Variants in CTNNA3 observed in about 807,000 individuals in gnomAD.
CTNNA3 encodes the protein catenin alpha 3, also known as catenin alpha-3.
A neutral mutation model predicts 95.7 loss-of-function variants in CTNNA3; 76 were observed. The observed-to-expected ratio is 0.79, with a 90% CI of 0.66 to 0.96. The LOEUF (loss-of-function observed/expected upper bound fraction) is 0.96, where lower values mean the gene tolerates loss of function less well. CTNNA3 is among the 40% of genes least tolerant of loss of function. CTNNA3 has a pLI of 0.00. For synonymous variants in CTNNA3, 431 were observed against 374.4 expected, an observed-to-expected ratio of 1.15 and a Z score of -1.74; for missense variants, 1,191 against 1,089.8, an observed-to-expected ratio of 1.09 and a Z score of -1.31.
intron 1 of CTNNA3, among the ~76,000 whole-genome samples, chr10:67,753,439 T>C (rs192777414): frequency 6.6e-6 from 1 of 151,934 alleles, no homozygotes; most frequent in East Asian, 1.9e-4. Flanking sequence ...CAAAAGCAAT[T>C]GCAACAAAAG....
chr10:66,696,832 A>G (rs969810579), intron 9 of CTNNA3, among the ~76,000 whole-genome samples: 1 of 152,038 alleles, frequency 6.6e-6, no homozygotes, highest in African/African-American at 2.4e-5. Context: ...CCAGCTACTC[A>G]GGAGGCTGAG....
At chr10:65,945,999 C>A (rs2077510951) in intron 17 of CTNNA3, among the ~76,000 whole-genome samples, 1 of 152,102 alleles carries the variant, frequency 6.6e-6, no homozygotes, top group Non-Finnish European at 1.5e-5. Flanking sequence ...GCTTCCATGC[C>A]CCTCTGCTGG....
intron 6 of CTNNA3, among the ~76,000 whole-genome samples, chr10:67,213,267 T>C (rs7087525): frequency 0.043 from 6,542 of 151,798 alleles, 179 homozygotes; most frequent in South Asian, 0.088. Flanking sequence ...ATATTTAGTA[T>C]TTAGTCATAA....
Position 67,170,482 on chromosome 10 carries a change from C to T in CTNNA3, c.1047+9835G>A, listed in dbSNP as rs551709903. 7.2e-5 allele frequency among the ~76,000 whole-genome samples: 11 copies of T among 152,240 alleles called. No individual in the cohort carries two copies. In the South Asian group the frequency reaches 2.3e-3, roughly 32 times the overall value. On this transcript the variant is annotated intron_variant, in intron 7 of 17. Coordinates refer to ENST00000433211, the MANE Select transcript of CTNNA3 (RefSeq NM_013266.4). ...GTCTTTTGTGGGAACGTGGATGGAG[C>T]TGGAGGCTATTATCCTTAGTATACT...
intron 6 of CTNNA3, among the ~76,000 whole-genome samples, chr10:67,208,378 C>CA (rs3056794): frequency 0.3 from 27,506 of 92,956 alleles, 3,332 homozygotes; most frequent in African/African-American, 0.38. Flanking sequence ...GACTCTGTCT[C>CA]AAAAAAAAAA....
intron 11 of CTNNA3, among the ~76,000 whole-genome samples, chr10:66,451,658 C>G (rs35329815): frequency 0.27 from 40,310 of 151,796 alleles, 5,514 homozygotes; most frequent in South Asian, 0.39. Flanking sequence ...TTAAGTATTT[C>G]AAGACTTTAA....
chr10:66,751,190 C>T (rs10997372), intron 9 of CTNNA3, among the ~76,000 whole-genome samples: 34,450 of 151,926 alleles, frequency 0.23, 4,811 homozygotes, highest in East Asian at 0.45. Context: ...ATCGCTTGAA[C>T]CCGGGAGGCA....
rs35845509 is a variant in CTNNA3 at position 66,421,834 on chromosome 10, C to CA, written c.1532-42483dup. ...TGGATGGCAGAGCAAGACTCTGTCT[C>CA]AAAAAAAAAAAAAAAAAAAGAAAAG... On this transcript the variant is annotated intron_variant, in intron 11 of 17. Coordinates refer to ENST00000433211, the MANE Select transcript of CTNNA3 (RefSeq NM_013266.4). Among the ~76,000 whole-genome samples the CA allele has an allele frequency of 3.5e-3, 287 of 81,162 alleles. 4 individuals carry two copies. Among genetic ancestry groups the CA allele is most frequent in the Middle Eastern group, 0.017 (2 of 118 alleles). 53.2% of individuals were successfully genotyped at this position (81,162 alleles called of 152,430 possible).
intron 10 of CTNNA3, among the ~76,000 whole-genome samples, chr10:66,572,200 A>G (rs889285286): frequency 6.6e-6 from 1 of 151,794 alleles, no homozygotes; most frequent in Admixed American, 6.6e-5. Context: ...CTAGCCAACA[A>G]GGTGAAACCC....
At chr10:67,081,265 A>G (rs1857044619) in intron 7 of CTNNA3, among the ~76,000 whole-genome samples, 1 of 152,226 alleles carries the variant, frequency 6.6e-6, no homozygotes, top group African/African-American at 2.4e-5. Context: ...AGCTCATTTC[A>G]GGTATATACT....
At chr10:67,208,936 T>G (rs182926201) in intron 6 of CTNNA3, among the ~76,000 whole-genome samples, 1 of 152,258 alleles carries the variant, frequency 6.6e-6, no homozygotes, top group South Asian at 2.1e-4. Flanking sequence ...GAGTAGACAC[T>G]ATTAAAATAA....
intron 11 of CTNNA3, among the ~76,000 whole-genome samples, chr10:66,469,790 T>C (rs1839060477): frequency 6.6e-6 from 1 of 151,634 alleles, no homozygotes; most frequent in Non-Finnish European, 1.5e-5. Context: ...GAAAGATATC[T>C]AGGAAGTAGA....
chr10:66,882,438 C>T (rs1435977750), intron 7 of CTNNA3, among the ~76,000 whole-genome samples: 1 of 152,126 alleles, frequency 6.6e-6, no homozygotes, highest in Non-Finnish European at 1.5e-5. Flanking sequence ...AGAGCTTGAA[C>T]ACTTGACTGC....
intron 9 of CTNNA3, among the ~76,000 whole-genome samples, chr10:66,762,254 T>G (rs959504372): frequency 2.0e-5 from 3 of 152,076 alleles, no homozygotes; most frequent in Non-Finnish European, 4.4e-5. Flanking sequence ...ATGAACACAT[T>G]TGTCATTAAT....
In CTNNA3 at chr10:66,840,372, TCACA is replaced by T. The variant is rs138947952; in HGVS notation, c.1048-64852_1048-64849del. Among the ~76,000 whole-genome samples the T allele has an allele frequency of 8.8e-3, 628 of 71,128 alleles. 6 individuals are homozygous for T. Among genetic ancestry groups the T allele is most frequent in the African/African-American group, 0.029 (373 of 12,658 alleles). 46.7% of individuals were successfully genotyped at this position (71,128 alleles called of 152,430 possible). On this transcript the variant is annotated intron_variant, in intron 7 of 17. Transcript: ENST00000433211. The stretch of plus-strand genomic sequence containing the variant: ...CTCTCTCTCTCTCTCTCTCTCTCTC[TCACA>T]CACACACACACACACACACACACAC...
At chr10:66,051,667 G>A (rs189078719) in intron 15 of CTNNA3, among the ~76,000 whole-genome samples, 2 of 152,208 alleles carry the variant, frequency 1.3e-5, no homozygotes. Context: ...TACTTTTAAT[G>A]TTCAAAGGAC....
chr10:67,157,529 A>G (rs965641733), intron 7 of CTNNA3, among the ~76,000 whole-genome samples: 2 of 152,196 alleles, frequency 1.3e-5, no homozygotes, highest in African/African-American at 4.8e-5. Flanking sequence ...ATCAATAGGA[A>G]AAGACTAGGT....
intron 10 of CTNNA3, among the ~76,000 whole-genome samples, chr10:66,548,223 G>T (rs965774076): frequency 3.3e-5 from 5 of 151,920 alleles, no homozygotes; most frequent in African/African-American, 1.2e-4. Context: ...GGCTGTATTT[G>T]ATATTTTTGA....
intron 7 of CTNNA3, among the ~76,000 whole-genome samples, chr10:67,037,869 T>C (rs1854159822): frequency 6.6e-6 from 1 of 152,058 alleles, no homozygotes; most frequent in African/African-American, 2.4e-5. Context: ...GTTGATATTA[T>C]GGAAACCCAG....
Sources: gnomAD v4.1 joint callset for allele counts (sites outside exome capture counted in the v4.1 genomes callset) on GRCh38, gnomAD v4.1.1 for gene constraint, MANE v1.5 for transcripts, NCBI Gene and HGNC (gene_info 2026-07-23, HGNC 2026-07-21) for gene names.